Variants in MAPK10 observed in about 807,000 individuals in gnomAD.
MAPK10 encodes JNK3 alpha protein kinase.
Under a neutral mutation model 59.3 loss-of-function variants are expected in MAPK10, and 25 were observed. The ratio of observed to expected loss-of-function variants is 0.42; its 90% CI spans 0.31 to 0.59. The LOEUF (loss-of-function observed/expected upper bound fraction) is 0.59. Ranked by LOEUF, MAPK10 falls within the 20% of genes least tolerant of loss-of-function variation. MAPK10 has a pLI of 0.15. For synonymous variants in MAPK10, 190 were observed against 200.5 expected (o/e 0.95, Z 0.44); for missense variants, 351 against 568.9 (o/e 0.62, Z 3.90).
intron 1 of MAPK10, among the ~76,000 whole-genome samples, chr4:86,541,037 G>A (rs1259726654): frequency 6.6e-6 from 1 of 152,176 alleles, no homozygotes; most frequent in African/African-American, 2.4e-5. Context: ...GCTGCAAAGA[G>A]TATGAATGGC....
At chr4:86,323,196 A>T (rs1001355924) in intron 2 of MAPK10, among the ~76,000 whole-genome samples, 1 of 152,216 alleles carries the variant, frequency 6.6e-6, no homozygotes, top group African/African-American at 2.4e-5. Context: ...ATAAATAAAA[A>T]TTAGCATTTA....
chr4:86,581,660 CT>C (rs563709894), intron 1 of MAPK10, among the ~76,000 whole-genome samples: 160 of 138,012 alleles, frequency 1.2e-3, no homozygotes, highest in South Asian at 7.4e-3. Flanking sequence ...ACTAAGCTAT[CT>C]TTTTTTTTCA....
At chr4:86,293,378 C>T (rs1213131531) in intron 2 of MAPK10, among the ~76,000 whole-genome samples, 13 of 152,188 alleles carry the variant, frequency 8.5e-5, no homozygotes, top group Admixed American at 8.5e-4. Context: ...ATCAGGTCTA[C>T]TTAGTCTGCT....
At chr4:86,267,240 T>G (rs545592657) in intron 2 of MAPK10, among the ~76,000 whole-genome samples, 1 of 152,324 alleles carries the variant, frequency 6.6e-6, no homozygotes, top group East Asian at 1.9e-4. Context: ...AAAAATAAAA[T>G]TGCCTTCCTT....
chr4:86,517,952 T>C (rs1756821119), intron 1 of MAPK10, among the ~76,000 whole-genome samples: 1 of 152,202 alleles, frequency 6.6e-6, no homozygotes, highest in Non-Finnish European at 1.5e-5. Flanking sequence ...GTTTCAATCT[T>C]GTTACTTGTT....
At chr4:86,050,360 C>G (rs986299983) in intron 11 of MAPK10, among the ~76,000 whole-genome samples, 3 of 152,098 alleles carry the variant, frequency 2.0e-5, no homozygotes, top group Non-Finnish European at 2.9e-5. Context: ...TCAATGGCAG[C>G]GTACACTTGA....
chr4:86,512,296 A>T (rs1446838817), intron 1 of MAPK10, among the ~76,000 whole-genome samples: 1 of 152,254 alleles, frequency 6.6e-6, no homozygotes, highest in Non-Finnish European at 1.5e-5. Context: ...GGATAAGTTC[A>T]GTAAAAATCT....
At chr4:86,206,148 A>T (rs2083855941) in intron 2 of MAPK10, among the ~76,000 whole-genome samples, 1 of 151,622 alleles carries the variant, frequency 6.6e-6, no homozygotes, top group South Asian at 2.1e-4. Context: ...GCACCCATTA[A>T]CTCGTCATTT....
intron 4 of MAPK10, among the ~76,000 whole-genome samples, chr4:86,140,896 T>C (rs2063506881): frequency 6.6e-6 from 1 of 152,048 alleles, no homozygotes; most frequent in South Asian, 2.1e-4. Context: ...CTTTGCAAAG[T>C]GTCAAAAGCA....
intron 2 of MAPK10, among the ~76,000 whole-genome samples, chr4:86,320,088 C>T (rs150512855): frequency 4.6e-5 from 7 of 152,318 alleles, no homozygotes; most frequent in East Asian, 3.9e-4. Flanking sequence ...TTGGGAGGCA[C>T]GAAACCTGGA....
chr4:86,382,022 A>G (rs1740793452), intron 1 of MAPK10, among the ~76,000 whole-genome samples: 1 of 152,078 alleles, frequency 6.6e-6, no homozygotes, highest in African/African-American at 2.4e-5. Flanking sequence ...GGAGCCAATA[A>G]TTCCTTGTAT....
chr4:86,302,808 A>G (rs1389117653), intron 2 of MAPK10, among the ~76,000 whole-genome samples: 1 of 152,240 alleles, frequency 6.6e-6, no homozygotes, highest in Non-Finnish European at 1.5e-5. Flanking sequence ...CTGAAAGTAC[A>G]TAAATAAAAT....
rs1742165710 is a variant in MAPK10, at chr4:86,391,440, A to G, written c.-121-36796T>C. Among the ~76,000 whole-genome samples the G allele has an allele frequency of 2.6e-5, 4 of 152,296 alleles. No individual in the cohort carries two copies. The South Asian group carries it at 8.3e-4, about 32-fold the overall frequency. ...CATGTATCTACATGCAACGTTTTTA[A>G]CTGTACCATGATTGAAGAATAATAG... On this transcript the variant is annotated intron_variant, in intron 1 of 13. Coordinates refer to the MAPK10 transcript ENST00000361569.
Position 86,581,930 on chromosome 4 carries a change from T to C in MAPK10, c.-263+11980A>G, listed in dbSNP as rs1578177728. Among the ~76,000 whole-genome samples, 10 of 126,088 alleles carry C rather than the reference T, an allele frequency of 7.9e-5. No individual in the cohort carries two copies. The South Asian group carries it at 1.9e-3, about 25-fold the overall frequency. 82.7% of individuals were successfully genotyped at this position (126,088 alleles called of 152,430 possible). ...ATATATATATATATATATATATATA[T>C]ATATATATATATATATATTCTAATA... On this transcript the variant is annotated intron_variant, in intron 1 of 4. Transcript: ENST00000502302.
At chr4:86,427,347 C>T (rs887005238) in intron 1 of MAPK10, among the ~76,000 whole-genome samples, 3 of 151,826 alleles carry the variant, frequency 2.0e-5, no homozygotes, top group African/African-American at 7.3e-5. Context: ...ACTCTCTCAA[C>T]GATGCAACGT....
intron 1 of MAPK10, among the ~76,000 whole-genome samples, chr4:86,497,587 A>T (rs1047538053): frequency 3.9e-5 from 6 of 152,296 alleles, no homozygotes; most frequent in African/African-American, 1.2e-4. Flanking sequence ...TGGTGGGGGC[A>T]GTGGCAAGTC....
chr4:86,225,524 T>A (rs1180963763), intron 2 of MAPK10, among the ~76,000 whole-genome samples: 1 of 152,174 alleles, frequency 6.6e-6, no homozygotes, highest in East Asian at 1.9e-4. Flanking sequence ...GCTAATTCAC[T>A]TCGCAGCCTT....
At chr4:86,105,594 G>C (rs2056391778) in intron 5 of MAPK10, among the ~76,000 whole-genome samples, 1 of 152,080 alleles carries the variant, frequency 6.6e-6, no homozygotes, top group South Asian at 2.1e-4. Context: ...TTCATTGCTT[G>C]TATCCATCCA....
rs578128548 is a variant in MAPK10 at position 86,031,147 on chromosome 4, T to C, written c.1174+221A>G. On this transcript the variant is annotated intron_variant, in intron 12 of 13. Transcript: ENST00000641462. ...CGACAAACACTGACAATCAGTACCA[T>C]TTTAAAAGGTATCAATGGTAAATGC... 2.6e-5 allele frequency among the ~76,000 whole-genome samples: 4 copies of C among 152,304 alleles called. No homozygotes were observed. The South Asian group carries it at 8.3e-4, about 32-fold the overall frequency.
Sources: allele counts gnomAD v4.1 joint callset (sites outside exome capture counted in the v4.1 genomes callset), GRCh38; gene constraint gnomAD v4.1.1; transcripts MANE v1.5; gene names NCBI Gene and HGNC (gene_info 2026-07-23, HGNC 2026-07-21).